TRPV5: variants seen among roughly 807,000 people sequenced by gnomAD.
TRPV5 encodes the protein transient receptor potential cation channel subfamily V member 5.
Under a neutral mutation model 74.1 loss-of-function variants are expected in TRPV5, and 66 were observed. The ratio of observed to expected loss-of-function variants is 0.89; its 90% confidence interval spans 0.73 to 1.09. The LOEUF is 1.09. Among genes scored for constraint, TRPV5 ranks in the 50% least tolerant of loss-of-function variants. The pLI, the probability that TRPV5 is intolerant of heterozygous loss-of-function variation, is 0.00. For synonymous variants in TRPV5, 399 were observed against 360.7 expected (o/e 1.11, Z -1.20); for missense variants, 936 against 930.4 (o/e 1.01, Z -0.08).
At chr7:142,920,526 C>G (rs1320026988) in intron 8 of TRPV5, among the ~76,000 whole-genome samples, 1 of 151,860 alleles carries the variant, frequency 6.6e-6, no homozygotes, top group African/African-American at 2.4e-5. Context: ...GTGGCAAGCC[C>G]TGGCTAGCCA....
intron 1 of TRPV5, among the ~76,000 whole-genome samples, chr7:142,932,845 T>C (rs1282166512): frequency 6.6e-6 from 1 of 152,212 alleles, no homozygotes; most frequent in Non-Finnish European, 1.5e-5. Flanking sequence ...AGCCCTCCAG[T>C]GTCACCTGAG....
rs1246876076 is a variant in TRPV5, at chr7:142,928,606, C to T, written c.762+85G>A. On this transcript the variant is annotated intron_variant, in intron 6 of 14. Transcript: ENST00000265310. Reference sequence around the variant, plus strand: ...AAAAGGGATTTTAGAGAAAGGTGGGCCCTTCACCTCTATTTCTCCCAGGGC... The same window carrying T: ...AAAAGGGATTTTAGAGAAAGGTGGGTCCTTCACCTCTATTTCTCCCAGGGC... The T allele has an allele frequency of 6.1e-5, 91 of 1,485,130 alleles. No individual in the cohort carries two copies. In the Admixed American group the frequency reaches 2.0e-3, roughly 33 times the overall value. 92.0% of individuals were successfully genotyped at this position (1,485,130 alleles called of 1,614,324 possible). A position where few individuals can be genotyped will look rare whatever the true frequency, so the allele number is the denominator to read the frequency against.
rs1795644141 is a variant in TRPV5, at chr7:142,908,386, A to G, written c.*128T>C. 9.7e-7 allele frequency: 1 copy of G among 1,025,922 alleles called. No homozygotes were observed. The highest frequency in any genetic ancestry group is 1.6e-5 in the African/African-American group (1 of 62,006). The allele number at this position is 1,025,922 out of a possible 1,614,324, so 63.6% of individuals were successfully genotyped here. A position where few individuals can be genotyped will look rare whatever the true frequency, so the allele number is the denominator to read the frequency against. On this transcript the variant is annotated 3_prime_UTR_variant, in exon 15 of 15. Coordinates refer to ENST00000265310, the MANE Select transcript of TRPV5 (RefSeq NM_019841.7). ...AAGTGTGAGGCATGACCCTTTAGGGATTGTTCTGTCTCACCCTCCCATGAT... is the reference window on the plus strand; with the variant it reads ...AAGTGTGAGGCATGACCCTTTAGGGGTTGTTCTGTCTCACCCTCCCATGAT...
At chr7:142,932,910 C>G (rs574633244) in intron 1 of TRPV5, among the ~76,000 whole-genome samples, 6 of 152,350 alleles carry the variant, frequency 3.9e-5, no homozygotes, top group Non-Finnish European at 8.8e-5. Context: ...GCGCTCCTCC[C>G]CTTTCCCACA....
At chr7:142,928,940 T>C in intron 5 of TRPV5, 74 bp from the exon 6 acceptor site, 1 of 1,611,770 alleles carries the variant, frequency 6.2e-7, no homozygotes, top group Non-Finnish European at 8.5e-7. Context: ...TCTGGGGTCT[T>C]CCTAAAGGTC....
At position 142,908,560 on chromosome 7, in the gene TRPV5, C is replaced by A; in HGVS notation, c.2144G>T (p.Gly715Val). The stretch of plus-strand genomic sequence containing the variant: ...TCCATCCCCCTCACTAAGGTTCAGT[C>A]CAAGATTCAAGTGCCCCAGGGTGTT... ...RQNTLGHLNL[G>V]LNLSEGDGEE... Residue 715 changes from glycine to valine, a missense_variant, in exon 15 of 15, where the codon GGA becomes GTA. By Grantham distance (109) the Gly-to-Val change is moderately radical. Coordinates refer to ENST00000265310, the MANE Select transcript of TRPV5 (RefSeq NM_019841.7). 6.2e-7 allele frequency: 1 copy of A among 1,614,240 alleles called. No individual in the cohort carries two copies. The highest frequency in any genetic ancestry group is 2.2e-5 in the East Asian group (1 of 44,882).
Position 142,912,529 on chromosome 7 carries a change from T to C in TRPV5, c.1741A>G (p.Thr581Ala), listed in dbSNP as rs1795716974. 1.2e-6 allele frequency: 2 copies of C among 1,614,090 alleles called. No homozygotes were observed. Among genetic ancestry groups the C allele is most frequent in the Admixed American group, 1.7e-5 (1 of 60,014 alleles). Reference sequence around the variant, plus strand: ...CTCTCCTGGGCCACCCTCCAGTGGGTGTCGCCCATCATGGCGATGAACAAG... The same window carrying C: ...CTCTCCTGGGCCACCCTCCAGTGGGCGTCGCCCATCATGGCGATGAACAAG... ...LNLFIAMMGD[T>A]HWRVAQERDE... Residue 581 changes from threonine to alanine, a missense_variant, in exon 13 of 15, where the codon ACC becomes GCC. Physicochemically the swap from Thr to Ala is moderately conservative, Grantham distance 58. Coordinates refer to ENST00000265310, the MANE Select transcript of TRPV5 (RefSeq NM_019841.7).
At chr7:142,928,056 A>G (rs1258215195) in intron 7 of TRPV5, 32 bp downstream of exon 7, 1 of 1,613,196 alleles carries the variant, frequency 6.2e-7, no homozygotes. Flanking sequence ...ATTCCCTCAC[A>G]TGACAGGCCT....
Position 142,928,846 on chromosome 7 carries a change from G to T in TRPV5, c.607C>A (p.Leu203Ile). 2 of 1,614,154 alleles carry T rather than the reference G, an allele frequency of 1.2e-6. No homozygotes were observed. Among genetic ancestry groups the T allele is most frequent in the Non-Finnish European group, 1.7e-6 (2 of 1,180,018 alleles). Residue 203 changes from leucine to isoleucine, a missense_variant, in exon 6 of 15, where the codon CTC (leucine) becomes ATC (isoleucine). Physicochemically the swap from Leu to Ile is conservative, Grantham distance 5 (BLOSUM62 2). Transcript: ENST00000265310. The stretch of plus-strand genomic sequence containing the variant: ...AAGGTTTTGTTGGGCTGGAGGATGA[G>T]GATGTGTAATACTGTGTTTCCTGGG... ...DSLGNTVLHI[L>I]ILQPNKTFAC...
At chr7:142,933,235 A>G in intron 1 of TRPV5, 97 bp downstream of exon 1, 3 of 1,477,528 alleles carry the variant, frequency 2.0e-6, no homozygotes, top group Middle Eastern at 2.5e-4. Context: ...CACTGACAAT[A>G]CACTTCTAGG....
intron 8 of TRPV5, among the ~76,000 whole-genome samples, chr7:142,917,060 G>T: frequency 6.6e-6 from 1 of 151,152 alleles, no homozygotes; most frequent in African/African-American, 2.4e-5. Context: ...CTATTTTTTT[G>T]TGTGTCTGGT....
chr7:142,917,846 T>C (rs1437764336), intron 8 of TRPV5, among the ~76,000 whole-genome samples: 1 of 152,184 alleles, frequency 6.6e-6, no homozygotes, highest in Non-Finnish European at 1.5e-5. Context: ...CAAACCCTTC[T>C]GTAGGGTTTT....
intron 13 of TRPV5, among the ~76,000 whole-genome samples, chr7:142,911,807 T>C (rs1795706897): frequency 6.6e-6 from 1 of 152,194 alleles, no homozygotes; most frequent in Non-Finnish European, 1.5e-5. Context: ...ATTTGAATGG[T>C]GCTTATATGG....
intron 8 of TRPV5, among the ~76,000 whole-genome samples, chr7:142,918,983 T>C (rs1275840017): frequency 6.6e-6 from 1 of 152,094 alleles, no homozygotes; most frequent in Non-Finnish European, 1.5e-5. Context: ...CTGGCCACAT[T>C]GAGCTATTGG....
chr7:142,919,391 T>C (rs1388624678), intron 8 of TRPV5, among the ~76,000 whole-genome samples: 2 of 152,026 alleles, frequency 1.3e-5, no homozygotes, highest in South Asian at 2.1e-4. Flanking sequence ...AAGTTAAGCA[T>C]TGCCTAAGAG....
At position 142,924,234 on chromosome 7, in the gene TRPV5, A is replaced by G. The variant is rs866182473; in HGVS notation, c.1122+1295T>C. Reference sequence around the variant, plus strand: ...TGACACACTGTATATATATACATATATATATATATACATATACATGTATAT... The same window carrying G: ...TGACACACTGTATATATATACATATGTATATATATACATATACATGTATAT... On this transcript the variant is annotated intron_variant, in intron 8 of 14. Transcript: ENST00000265310. Among the ~76,000 whole-genome samples the G allele has an allele frequency of 1.9e-4, 26 of 140,378 alleles. No individual in the cohort carries two copies. The East Asian group carries it at 3.4e-3, about 18-fold the overall frequency. The allele number at this position is 140,378 out of a possible 152,430, so 92.1% of individuals were successfully genotyped here.
intron 7 of TRPV5, among the ~76,000 whole-genome samples, chr7:142,926,518 G>C (rs903126206): frequency 3.9e-5 from 6 of 152,196 alleles, no homozygotes; most frequent in Non-Finnish European, 7.3e-5. Flanking sequence ...ACAGTGGGCA[G>C]TTTCCAGACA....
At chr7:142,915,438 C>T (rs781297742) in intron 9 of TRPV5, 44 bp downstream of exon 9, 19 of 1,611,782 alleles carry the variant, frequency 1.2e-5, no homozygotes, top group Middle Eastern at 1.7e-4. Context: ...ACAGTCTGGG[C>T]CTTAGATGGG....
chr7:142,924,279 T>TAC (rs1256507163), intron 8 of TRPV5, among the ~76,000 whole-genome samples: 3,073 of 100,056 alleles, frequency 0.031, 426 homozygotes, highest in African/African-American at 0.16. Context: ...TATATATATA[T>TAC]ACATATACAT....
Sources: allele counts gnomAD v4.1 joint callset (sites outside exome capture counted in the v4.1 genomes callset), GRCh38; gene constraint gnomAD v4.1.1; transcripts MANE v1.5; gene names NCBI Gene and HGNC (gene_info 2026-07-23, HGNC 2026-07-21).